Variants in PPARG observed in about 807,000 individuals in gnomAD.
PPARG encodes peroxisome proliferator activated receptor gamma.
PPARG carries 17 observed loss-of-function variants against 39.2 expected under a neutral mutation model. That is an observed-to-expected ratio of 0.43 (90% CI 0.30 to 0.65). PPARG has a LOEUF of 0.65. PPARG is among the 30% of genes least tolerant of loss of function. PPARG has a pLI of 0.13. For synonymous variants in PPARG, 223 were observed against 215.7 expected (o/e 1.03, Z -0.30); for missense variants, 406 against 585.9 (o/e 0.69, Z 3.17).
At chr3:12,304,472 C>A (rs17793693) in intron 1 of PPARG, among the ~76,000 whole-genome samples, 13,111 of 152,156 alleles carry the variant, frequency 0.086, 722 homozygotes, top group Admixed American at 0.16. Flanking sequence ...ATGTTTTTAA[C>A]TCAAAGGACA....
Position 12,320,843 on chromosome 3 carries a change from C to T in PPARG, c.-9+8390C>T, listed in dbSNP as rs562809232. ...GCAGTGAGCCATAATTGCACCACTGCACTCCAGCCTGAGGGACAGAGTGAG... is the reference window on the plus strand; with the variant it reads ...GCAGTGAGCCATAATTGCACCACTGTACTCCAGCCTGAGGGACAGAGTGAG... On this transcript the variant is annotated intron_variant, in intron 2 of 7. Transcript: ENST00000651735. 6.6e-5 allele frequency among the ~76,000 whole-genome samples: 10 copies of T among 152,240 alleles called. No individual in the cohort carries two copies. The South Asian group carries it at 1.0e-3, about 16-fold the overall frequency.
chr3:12,312,797 A>G (rs551523924), intron 2 of PPARG, among the ~76,000 whole-genome samples: 1 of 152,226 alleles, frequency 6.6e-6, no homozygotes, highest in Non-Finnish European at 1.5e-5. Flanking sequence ...TTAAATTGAG[A>G]TAAAAATTAA....
chr3:12,405,945 A>G lies in PPARG; in HGVS notation c.593A>G (p.Asp198Gly). The G allele has an allele frequency of 6.2e-7, 1 of 1,614,134 alleles. No homozygotes were observed. ...AAGCTGTTGGCGGAGATCTCCAGTG[A>G]TATCGACCAGCTGAATCCAGAGTCC... Reference protein sequence around the residue: ...KEKLLAEISSDIDQLNPESAD... With the variant: ...KEKLLAEISSGIDQLNPESAD... The change falls in exon 6 of 8, where the codon GAT becomes GGT. Residue 198 changes from aspartate to glycine, a missense_variant. Asp to Gly is a moderately conservative substitution (Grantham distance 94). Transcript: ENST00000651735.
intron 4 of PPARG, among the ~76,000 whole-genome samples, chr3:12,390,232 T>C (rs1022531133): frequency 2.0e-5 from 3 of 152,184 alleles, no homozygotes; most frequent in African/African-American, 7.2e-5. Flanking sequence ...GTGGGGAGTG[T>C]ACATTGGTAG....
At chr3:12,360,973 G>A (rs969057581) in intron 2 of PPARG, among the ~76,000 whole-genome samples, 23 of 152,058 alleles carry the variant, frequency 1.5e-4, no homozygotes, top group South Asian at 4.1e-4. Context: ...AGCTTCAGGA[G>A]ACGTTGCCAA....
chr3:12,337,015 G>A (rs1434097211), intron 2 of PPARG, among the ~76,000 whole-genome samples: 1 of 152,076 alleles, frequency 6.6e-6, no homozygotes, highest in Non-Finnish European at 1.5e-5. Context: ...TGAACTAGAA[G>A]GCATACTCTT....
At chr3:12,290,136 C>G (rs1051299347) in intron 1 of PPARG, among the ~76,000 whole-genome samples, 84 of 152,184 alleles carry the variant, frequency 5.5e-4, no homozygotes, top group African/African-American at 2.0e-3. Context: ...TGGTGGCCAT[C>G]TCAGTCTTTT....
At chr3:12,418,022 G>C (rs1341628115) in intron 7 of PPARG, among the ~76,000 whole-genome samples, 1 of 145,006 alleles carries the variant, frequency 6.9e-6, no homozygotes, top group Non-Finnish European at 1.5e-5. Flanking sequence ...CTATGATCAT[G>C]CTACTTCATA....
chr3:12,318,049 C>A (rs1304239116), intron 2 of PPARG, among the ~76,000 whole-genome samples: 1 of 152,132 alleles, frequency 6.6e-6, no homozygotes, highest in East Asian at 1.9e-4. Context: ...TCATAGCTCA[C>A]TGCAACTTCA....
chr3:12,315,555 T>G lies in PPARG; in HGVS notation c.-9+3102T>G, dbSNP rs140725824. Among the ~76,000 whole-genome samples the G allele has an allele frequency of 1.3e-3, 192 of 152,344 alleles. 1 individual carries two copies. The highest frequency in any genetic ancestry group is 4.5e-3 in the African/African-American group (187 of 41,576). On this transcript the variant is annotated intron_variant, in intron 2 of 7. Transcript: ENST00000651735. Reference sequence around the variant, plus strand: ...CAATGGAGTCACTAAATAATCATTCTCATTAGATTTTCGCTAATTTATAGA... The same window carrying G: ...CAATGGAGTCACTAAATAATCATTCGCATTAGATTTTCGCTAATTTATAGA...
At chr3:12,299,284 G>A (rs1175280643) in intron 1 of PPARG, among the ~76,000 whole-genome samples, 1 of 152,038 alleles carries the variant, frequency 6.6e-6, no homozygotes, top group Non-Finnish European at 1.5e-5. Context: ...TAGATTTAAC[G>A]AGAACATTTT....
At chr3:12,433,816 G>A (rs961529285) in intron 7 of PPARG, 82 bp from the exon 8 acceptor site, 13 of 1,597,822 alleles carry the variant, frequency 8.1e-6, no homozygotes, top group Non-Finnish European at 1.0e-5. Flanking sequence ...TTGCTTGGTA[G>A]AGCTGCCTAG....
intron 1 of PPARG, among the ~76,000 whole-genome samples, chr3:12,311,311 T>C (rs2047237227): frequency 6.6e-6 from 1 of 152,092 alleles, no homozygotes; most frequent in Non-Finnish European, 1.5e-5. Flanking sequence ...GCTGTGGTGC[T>C]CAGGCTGGTC....
At chr3:12,425,869 G>A (rs973997797) in intron 7 of PPARG, among the ~76,000 whole-genome samples, 3 of 152,132 alleles carry the variant, frequency 2.0e-5, no homozygotes, top group South Asian at 2.1e-4. Flanking sequence ...TTCCGGGGTC[G>A]GACAGAAATC....
At chr3:12,323,162 A>G (rs1326814722) in intron 2 of PPARG, among the ~76,000 whole-genome samples, 1 of 152,194 alleles carries the variant, frequency 6.6e-6, no homozygotes, top group Admixed American at 6.5e-5. Flanking sequence ...AATAAAGAGG[A>G]TGAAAAAAGT....
intron 4 of PPARG, among the ~76,000 whole-genome samples, chr3:12,389,536 CAGA>C (rs1171304901): frequency 2.0e-5 from 3 of 152,078 alleles, no homozygotes; most frequent in Non-Finnish European, 4.4e-5. Flanking sequence ...AAAATGGAAG[CAGA>C]AGGATAATGG....
chr3:12,423,050 C>A (rs1487708963), intron 7 of PPARG, among the ~76,000 whole-genome samples: 4 of 152,108 alleles, frequency 2.6e-5, no homozygotes, highest in Admixed American at 2.6e-4. Flanking sequence ...GGTGATAGAG[C>A]TAAAGACTAG....
At chr3:12,375,957 T>C (rs1018874346) in intron 2 of PPARG, among the ~76,000 whole-genome samples, 4 of 152,034 alleles carry the variant, frequency 2.6e-5, no homozygotes, top group East Asian at 1.9e-4. Context: ...GCTTTTTTTT[T>C]TTTTCTTTTG....
chr3:12,317,483 A>G (rs1279841476), intron 2 of PPARG, among the ~76,000 whole-genome samples: 1 of 152,176 alleles, frequency 6.6e-6, no homozygotes, highest in Non-Finnish European at 1.5e-5. Flanking sequence ...GTTAGGTCCT[A>G]TAAATTTTTC....
Sources: allele counts gnomAD v4.1 joint callset (sites outside exome capture counted in the v4.1 genomes callset), GRCh38; gene constraint gnomAD v4.1.1; transcripts MANE v1.5; gene names NCBI Gene and HGNC (gene_info 2026-07-23, HGNC 2026-07-21).